Variants in NCAPD3 observed in about 807,000 individuals in gnomAD.
NCAPD3 encodes the protein non-SMC condensin II complex subunit D3, also known as condensin-2 complex subunit D3.
Under a neutral mutation model 182.9 loss-of-function variants are expected in NCAPD3, and 105 were observed. That is an observed-to-expected ratio of 0.57 (90% CI 0.49 to 0.68). The LOEUF (loss-of-function observed/expected upper bound fraction) is 0.68, where lower values mean the gene tolerates loss of function less well. NCAPD3 is among the 30% of genes least tolerant of loss of function. The pLI, the probability that NCAPD3 is intolerant of heterozygous loss-of-function variation, is 0.00. For synonymous variants in NCAPD3, 815 were observed against 679.9 expected, an observed-to-expected ratio of 1.20 and a Z score of -3.09; for missense variants, 1,944 against 1,837.0, an observed-to-expected ratio of 1.06 and a Z score of -1.07.
chr11:134,157,079 C>T lies in NCAPD3; in HGVS notation c.4191G>A (p.Leu1397=). 1.9e-6 allele frequency: 3 copies of T among 1,613,546 alleles called. No homozygotes were observed. The highest frequency in any genetic ancestry group is 2.5e-6 in the Non-Finnish European group (3 of 1,179,676). The change falls in exon 32 of 35, where the codon TTG becomes TTA. Residue 1397 remains leucine (L), a synonymous_variant. Coordinates refer to ENST00000534548, the MANE Select transcript of NCAPD3 (RefSeq NM_015261.3). ...KTCSQVSSYS[L]EQESNGEIEH... Reference sequence around the variant, plus strand: ...CAATCTCGCCATTCGACTCTTGCTCCAAACTGTATGAAGACACTAGAACAG... The same window carrying T: ...CAATCTCGCCATTCGACTCTTGCTCTAAACTGTATGAAGACACTAGAACAG...
At chr11:134,210,846 C>T (rs533269107) in intron 3 of NCAPD3, among the ~76,000 whole-genome samples, 13 of 152,324 alleles carry the variant, frequency 8.5e-5, no homozygotes, top group South Asian at 4.1e-4. Context: ...TTCTGGACAA[C>T]GGCAGAGAAA....
intron 2 of NCAPD3, among the ~76,000 whole-genome samples, chr11:134,220,318 G>A (rs1938180053): frequency 3.3e-5 from 5 of 151,334 alleles, no homozygotes; most frequent in African/African-American, 1.2e-4. Context: ...ACCACACCCG[G>A]CCTTATACTT....
At chr11:134,193,305 T>C (rs77011790) in intron 15 of NCAPD3, among the ~76,000 whole-genome samples, 12,113 of 152,324 alleles carry the variant, frequency 0.08, 617 homozygotes, top group Admixed American at 0.11. Context: ...TTGACTAAAA[T>C]GCTAACTAGT....
At chr11:134,177,725 C>T (rs1256897044) in intron 22 of NCAPD3, 7 of 445,852 alleles carry the variant, frequency 1.6e-5, no homozygotes, top group Non-Finnish European at 2.8e-5. Flanking sequence ...TTAAAGTCAA[C>T]ATTTGAATTT....
chr11:134,213,467 G>A (rs1937914134), intron 3 of NCAPD3, among the ~76,000 whole-genome samples: 1 of 151,862 alleles, frequency 6.6e-6, no homozygotes, highest in Non-Finnish European at 1.5e-5. Context: ...TTACAGACGT[G>A]TTACCATATC....
At position 134,178,832 on chromosome 11, in the gene NCAPD3, A is replaced by C. The variant is rs759671475; in HGVS notation, c.2664T>G (p.Asp888Glu). The change falls in exon 21 of 35, where the codon GAT becomes GAG. Residue 888 changes from aspartate (D) to glutamate (E), a missense_variant. Physicochemically the swap from Asp to Glu is conservative, Grantham distance 45. Transcript: ENST00000534548. The part of the protein sequence containing the change: ...LIQSVLASSA[D>E]ADHSPSSQGS... ...TTTCAAATGCCTTACAGTGGTCAGCATCAGCAGACGAAGCCAGGACGGACT... is the reference window on the plus strand; with the variant it reads ...TTTCAAATGCCTTACAGTGGTCAGCCTCAGCAGACGAAGCCAGGACGGACT... The C allele has an allele frequency of 6.2e-7, 1 of 1,614,168 alleles. No homozygotes were observed. Among genetic ancestry groups the C allele is most frequent in the Non-Finnish European group, 8.5e-7 (1 of 1,179,982 alleles).
intron 16 of NCAPD3, among the ~76,000 whole-genome samples, chr11:134,190,439 T>C (rs1591846057): frequency 6.6e-6 from 1 of 152,236 alleles, no homozygotes; most frequent in East Asian, 1.9e-4. Context: ...TAGCAACTTT[T>C]CCTTCTCATT....
chr11:134,164,055 G>A (rs902694566), intron 27 of NCAPD3, among the ~76,000 whole-genome samples: 2 of 152,114 alleles, frequency 1.3e-5, no homozygotes, highest in South Asian at 2.1e-4. Flanking sequence ...GCAGGATCTT[G>A]TGGCAAGATA....
intron 27 of NCAPD3, among the ~76,000 whole-genome samples, chr11:134,164,136 G>C (rs920042067): frequency 1.3e-5 from 2 of 152,154 alleles, no homozygotes; most frequent in African/African-American, 2.4e-5. Flanking sequence ...TGGCAATCCA[G>C]GCTAGGAGGA....
At chr11:134,164,829 G>A (rs1171478299) in intron 27 of NCAPD3, among the ~76,000 whole-genome samples, 2 of 149,114 alleles carry the variant, frequency 1.3e-5, no homozygotes, top group South Asian at 2.1e-4. Flanking sequence ...AATGACCTTA[G>A]GGGAGCTGAA....
At position 134,192,727 on chromosome 11, in the gene NCAPD3, C is replaced by T. The variant is rs761313281; in HGVS notation, c.2007G>A (p.Ala669=). ...TTTCGGTGGTGAGGAGAGTAAGAAG[C>T]GCCCAGGCGAGGACCTGGCTGTCGT... The part of the protein sequence containing the change: ...SGDDSQVLAW[A]LLTLLTTESQ... The change falls in exon 16 of 35, where the codon GCG becomes GCA. Residue 669 remains alanine, a synonymous_variant. Transcript: ENST00000534548. 15 of 1,614,176 alleles carry T rather than the reference C, an allele frequency of 9.3e-6. No homozygotes were observed. The highest frequency in any genetic ancestry group is 1.6e-4 in the Middle Eastern group (1 of 6,062).
intron 16 of NCAPD3, among the ~76,000 whole-genome samples, chr11:134,185,747 T>C (rs965960458): frequency 6.6e-6 from 1 of 152,152 alleles, no homozygotes; most frequent in African/African-American, 2.4e-5. Context: ...ATTTTTCCCC[T>C]CATAAAATAT....
intron 20 of NCAPD3, 95 bp from the exon 21 acceptor site, chr11:134,179,031 C>T: frequency 2.5e-6 from 2 of 790,472 alleles, no homozygotes; most frequent in Middle Eastern, 2.6e-4. Flanking sequence ...TTCCTTTATC[C>T]CCCAAATTTA....
At chr11:134,162,301 G>A (rs983884425) in intron 27 of NCAPD3, among the ~76,000 whole-genome samples, 92 of 152,150 alleles carry the variant, frequency 6.0e-4, no homozygotes, top group African/African-American at 1.9e-3. Context: ...GGGACACTTC[G>A]TATTCCTGCT....
intron 4 of NCAPD3, 47 bp downstream of exon 4, chr11:134,210,223 C>T: frequency 6.6e-7 from 1 of 1,510,716 alleles, no homozygotes; most frequent in South Asian, 1.2e-5. Context: ...TTAAATAAAG[C>T]AAATCGTGTG....
intron 2 of NCAPD3, among the ~76,000 whole-genome samples, chr11:134,218,104 A>G (rs1938093314): frequency 1.3e-5 from 1 of 79,442 alleles, no homozygotes; most frequent in Admixed American, 1.3e-4. Context: ...GTCTCAAAAA[A>G]AAAAAAGGGG....
intron 13 of NCAPD3, among the ~76,000 whole-genome samples, chr11:134,199,877 T>C (rs75281810): frequency 0.013 from 1,944 of 152,264 alleles, 35 homozygotes; most frequent in African/African-American, 0.043. Flanking sequence ...TAAAGACAGA[T>C]ATATAGATTA....
chr11:134,210,178 G>C, intron 4 of NCAPD3, 92 bp downstream of exon 4: 1 of 1,120,392 alleles, frequency 8.9e-7, no homozygotes, highest in South Asian at 1.5e-5. Context: ...CTATAATCAT[G>C]ATGCCTGAAA....
At chr11:134,199,900 T>C (rs1944715487) in intron 13 of NCAPD3, among the ~76,000 whole-genome samples, 1 of 152,090 alleles carries the variant, frequency 6.6e-6, no homozygotes, top group South Asian at 2.1e-4. Flanking sequence ...GAAATAAAAT[T>C]CCATTAATAT....
Sources: allele counts gnomAD v4.1 joint callset (sites outside exome capture counted in the v4.1 genomes callset), GRCh38; gene constraint gnomAD v4.1.1; transcripts MANE v1.5; gene names NCBI Gene and HGNC (gene_info 2026-07-23, HGNC 2026-07-21).